The following DGKI variants were observed in gnomAD, a reference collection of about 807,000 sequenced individuals.
DGKI encodes the protein DAG kinase iota.
DGKI carries 55 observed loss-of-function variants against 147.5 expected under a neutral mutation model. The observed-to-expected ratio is 0.37, with a 90% CI of 0.30 to 0.47. The LOEUF (loss-of-function observed/expected upper bound fraction) is 0.47, where lower values mean the gene tolerates loss of function less well. Among genes scored for constraint, DGKI ranks in the 20% least tolerant of loss-of-function variants. DGKI has a pLI of 1.00. For missense variants in DGKI, 1,007 were observed against 1,323.8 expected (o/e 0.76, Z 3.71); for synonymous variants, 469 against 477.1 (o/e 0.98, Z 0.22).
chr7:137,425,631 A>C (rs1377698850), intron 28 of DGKI, among the ~76,000 whole-genome samples: 4 of 152,198 alleles, frequency 2.6e-5, no homozygotes, highest in Non-Finnish European at 5.9e-5. Context: ...AACCAAAGGC[A>C]AACAAGTTAA....
chr7:137,406,510 C>A (rs767820446), intron 30 of DGKI, among the ~76,000 whole-genome samples: 1 of 152,104 alleles, frequency 6.6e-6, no homozygotes, highest in Non-Finnish European at 1.5e-5. Flanking sequence ...TTCTAACCCA[C>A]CCTTTCTACC....
At position 137,414,324 on chromosome 7, in the gene DGKI, G is replaced by C. The variant is rs143446882; in HGVS notation, c.2762-2117C>G. On this transcript the variant is annotated intron_variant, in intron 28 of 32. Coordinates refer to ENST00000614521, the MANE Select transcript of DGKI (RefSeq NM_001321708.2). ...GAGGAAAAAGAAGGTAGGAAGAAGA[G>C]AAGAATGGAGAAAAATGGAGAGAAG... 5.1e-3 allele frequency among the ~76,000 whole-genome samples: 774 copies of C among 152,304 alleles called. 7 individuals carry two copies. The Middle Eastern group carries it at 0.051, about 10-fold the overall frequency.
At chr7:137,825,553 T>C (rs1034943900) in intron 1 of DGKI, among the ~76,000 whole-genome samples, 1 of 152,168 alleles carries the variant, frequency 6.6e-6, no homozygotes, top group African/African-American at 2.4e-5. Flanking sequence ...GAGACCTATC[T>C]GAGGATTAGC....
intron 10 of DGKI, among the ~76,000 whole-genome samples, chr7:137,608,588 T>C (rs1425136715): frequency 6.6e-6 from 1 of 152,086 alleles, no homozygotes; most frequent in East Asian, 1.9e-4. Flanking sequence ...TGTATCTAAA[T>C]TGCAATAGAA....
chr7:137,759,891 A>G (rs1563184759), intron 1 of DGKI, among the ~76,000 whole-genome samples: 2 of 152,120 alleles, frequency 1.3e-5, no homozygotes, highest in Admixed American at 1.3e-4. Flanking sequence ...CTCATGCCTC[A>G]TTCTCCAGAA....
At chr7:137,457,297 G>A in intron 27 of DGKI, among the ~76,000 whole-genome samples, 1 of 152,286 alleles carries the variant, frequency 6.6e-6, no homozygotes, top group East Asian at 1.9e-4. Context: ...ATCCCACTAA[G>A]AAGATTAATT....
At chr7:137,465,731 T>G (rs1814628254) in intron 26 of DGKI, among the ~76,000 whole-genome samples, 177 bp downstream of exon 26, 1 of 152,216 alleles carries the variant, frequency 6.6e-6, no homozygotes, top group Non-Finnish European at 1.5e-5. Context: ...TCTGGTTTTG[T>G]GTTTCTTCAC....
chr7:137,698,003 T>G (rs904236954), intron 1 of DGKI, among the ~76,000 whole-genome samples: 1 of 148,124 alleles, frequency 6.8e-6, no homozygotes, highest in Admixed American at 6.6e-5. Context: ...GATCTCCAGA[T>G]AGATAGCTAT....
intron 27 of DGKI, among the ~76,000 whole-genome samples, chr7:137,453,759 G>T (rs914671406): frequency 6.6e-6 from 1 of 152,076 alleles, no homozygotes; most frequent in African/African-American, 2.4e-5. Flanking sequence ...TGGAGGGAAG[G>T]AAATCATTTC....
intron 27 of DGKI, among the ~76,000 whole-genome samples, chr7:137,458,914 A>G (rs908526984): frequency 6.6e-6 from 1 of 152,168 alleles, no homozygotes; most frequent in Non-Finnish European, 1.5e-5. Context: ...AAAAATCATT[A>G]TGGTCCCAGC....
chr7:137,545,919 G>T (rs1426468116), intron 20 of DGKI: 2 of 702,600 alleles, frequency 2.8e-6, no homozygotes, highest in South Asian at 3.0e-5. Flanking sequence ...GAGCCGGGGG[G>T]AGCAGACACT....
At chr7:137,414,138 C>A (rs1249930182) in intron 28 of DGKI, among the ~76,000 whole-genome samples, 1 of 152,108 alleles carries the variant, frequency 6.6e-6, no homozygotes, top group Non-Finnish European at 1.5e-5. Flanking sequence ...AGCAAAACCC[C>A]CAAAGCTTTT....
chr7:137,609,716 G>T (rs1585282643), intron 8 of DGKI, 107 bp from the exon 9 acceptor site: 62 of 698,052 alleles, frequency 8.9e-5, no homozygotes, highest in South Asian at 1.6e-4. Flanking sequence ...TCCACTGCAT[G>T]CTTCTCATGC....
intron 1 of DGKI, among the ~76,000 whole-genome samples, chr7:137,716,875 C>G (rs1181431711): frequency 6.6e-6 from 1 of 152,214 alleles, no homozygotes; most frequent in African/African-American, 2.4e-5. Flanking sequence ...ACCTTCTGGC[C>G]TAAGAAAATT....
intron 1 of DGKI, among the ~76,000 whole-genome samples, chr7:137,785,664 A>T (rs147270013): frequency 9.8e-5 from 15 of 152,290 alleles, no homozygotes; most frequent in Non-Finnish European, 1.8e-4. Flanking sequence ...AGGGAAGGAC[A>T]TTAAAAAAAC....
At chr7:137,596,394 T>C (rs895738991) in intron 12 of DGKI, among the ~76,000 whole-genome samples, 3 of 152,150 alleles carry the variant, frequency 2.0e-5, no homozygotes, top group African/African-American at 7.2e-5. Context: ...TGGGGGATGC[T>C]TGAGTTAGGA....
chr7:137,767,532 G>GAAGAC (rs1796054907), intron 1 of DGKI, among the ~76,000 whole-genome samples: 1 of 134,794 alleles, frequency 7.4e-6, no homozygotes, highest in Non-Finnish European at 1.6e-5. Context: ...GAAGAGAAGA[G>GAAGAC]TAGAGTAGGA....
In DGKI at chr7:137,846,707, G is replaced by C. The variant is rs1468860933; in HGVS notation, c.156C>G (p.Ala52=). 4.5e-5 allele frequency: 47 copies of C among 1,037,772 alleles called. No homozygotes were observed. Among genetic ancestry groups the C allele is most frequent in the Non-Finnish European group, 5.3e-5 (46 of 863,578 alleles). The allele number at this position is 1,037,772 out of a possible 1,614,324, so 64.3% of individuals were successfully genotyped here. ...CAPSAAAGAG[A]MNPSSSAGEE... is the part of the protein sequence containing the mutation. Reference sequence around the variant, plus strand: ...CTCCCGCCGAGGAGCTGGGGTTCATGGCGCCCGCTCCGGCGGCCGCGGAGG... The same window carrying C: ...CTCCCGCCGAGGAGCTGGGGTTCATCGCGCCCGCTCCGGCGGCCGCGGAGG... The change falls in exon 1 of 33, where the codon GCC becomes GCG. Residue 52 remains alanine (A), a synonymous_variant. Transcript: ENST00000614521. The surrounding 1 kb of genome is among the most constrained non-coding windows in gnomAD (Gnocchi z 4.0).
intron 28 of DGKI, among the ~76,000 whole-genome samples, chr7:137,430,659 A>T (rs1427616533): frequency 6.6e-6 from 1 of 152,196 alleles, no homozygotes; most frequent in Admixed American, 6.5e-5. Flanking sequence ...CTAAAGAAAT[A>T]GAGTGATGTA....
Sources: allele counts gnomAD v4.1 joint callset (sites outside exome capture counted in the v4.1 genomes callset), GRCh38; gene constraint gnomAD v4.1.1; non-coding constraint Gnocchi (gnomAD v3.1); transcripts MANE v1.5; gene names NCBI Gene and HGNC (gene_info 2026-07-23, HGNC 2026-07-21).